The following CNTN5 variants were observed in gnomAD, a reference collection of about 807,000 sequenced individuals.
The protein encoded by CNTN5 is contactin 5.
In CNTN5, 77 loss-of-function variants were observed where a neutral mutation model predicts 129.1. The observed-to-expected ratio is 0.60, with a 90% CI of 0.50 to 0.72. CNTN5 has a LOEUF of 0.72. Among genes scored for constraint, CNTN5 ranks in the 30% least tolerant of loss-of-function variants. The pLI is 0.00. For missense variants in CNTN5, 1,478 were observed against 1,328.8 expected (o/e 1.11, Z -1.75); for synonymous variants, 509 against 465.6 (o/e 1.09, Z -1.20).
intron 1 of CNTN5, among the ~76,000 whole-genome samples, chr11:99,057,787 TGTG>T (rs1002184722): frequency 7.3e-6 from 1 of 136,178 alleles, no homozygotes; most frequent in Non-Finnish European, 1.5e-5. Flanking sequence ...GAAACATAAG[TGTG>T]TGTGTGTGTG....
intron 4 of CNTN5, among the ~76,000 whole-genome samples, chr11:99,836,066 T>G (rs543370237): frequency 1.1e-4 from 16 of 151,332 alleles, no homozygotes; most frequent in African/African-American, 3.9e-4. Flanking sequence ...TTACCCATTT[T>G]AATGGTTATT....
At chr11:99,546,149 G>C (rs2135509420) in intron 2 of CNTN5, among the ~76,000 whole-genome samples, 1 of 152,294 alleles carries the variant, frequency 6.6e-6, no homozygotes, top group Non-Finnish European at 1.5e-5. Context: ...TGTCTTCTCT[G>C]TAATGATGGA....
chr11:99,972,177 C>T (rs1224620226), intron 8 of CNTN5, among the ~76,000 whole-genome samples: 1 of 150,970 alleles, frequency 6.6e-6, no homozygotes, highest in African/African-American at 2.4e-5. Context: ...AGGAGAATGG[C>T]GTGAACCCGG....
chr11:99,960,031 C>T (rs757909224), intron 8 of CNTN5, among the ~76,000 whole-genome samples: 4 of 152,272 alleles, frequency 2.6e-5, no homozygotes, highest in Non-Finnish European at 4.4e-5. Flanking sequence ...CTAAATCTCA[C>T]GCTGGAGAGC....
At chr11:100,265,494 C>T (rs1398916584) in intron 17 of CNTN5, among the ~76,000 whole-genome samples, 3 of 152,056 alleles carry the variant, frequency 2.0e-5, no homozygotes, top group Non-Finnish European at 4.4e-5. Flanking sequence ...CATAGTTGCT[C>T]CCTCATTCTA....
chr11:99,851,405 G>C (rs906243274), intron 6 of CNTN5, among the ~76,000 whole-genome samples: 4 of 152,124 alleles, frequency 2.6e-5, no homozygotes, highest in African/African-American at 9.7e-5. Flanking sequence ...TGTTTGTCAT[G>C]AGGATAATTT....
intron 1 of CNTN5, among the ~76,000 whole-genome samples, chr11:99,201,257 C>T (rs1366551601): frequency 6.6e-6 from 1 of 151,460 alleles, no homozygotes; most frequent in African/African-American, 2.4e-5. Context: ...AGCTCCTGAC[C>T]CCGTGATCCA....
intron 1 of CNTN5, among the ~76,000 whole-genome samples, chr11:99,284,619 GTGTGTGTGTGTGT>G (rs1863847174): frequency 9.0e-6 from 1 of 111,532 alleles, no homozygotes; most frequent in Non-Finnish European, 1.9e-5. Context: ...GTGTGTGTGT[GTGTGTGTGTGTGT>G]GTGTGTGTGT....
rs1298562745 is a variant in CNTN5, at chr11:99,058,460, G to GTA, written c.-210+37202_-210+37203dup. ...TCACTGTTTACATTTATATATATGTGTATATATATATATTTTCTCACAATA... is the reference window on the plus strand; with the variant it reads ...TCACTGTTTACATTTATATATATGTGTATATATATATATATTTTCTCACAATA... On this transcript the variant is annotated intron_variant, in intron 1 of 24. Coordinates refer to ENST00000524871, the MANE Select transcript of CNTN5 (RefSeq NM_014361.4). Among the ~76,000 whole-genome samples, 480 of 151,562 alleles carry GTA rather than the reference G, an allele frequency of 3.2e-3. 1 individual carries two copies. The highest frequency in any genetic ancestry group is 0.011 in the African/African-American group (446 of 41,358).
At chr11:99,737,590 A>G (rs1943752694) in intron 3 of CNTN5, among the ~76,000 whole-genome samples, 1 of 152,188 alleles carries the variant, frequency 6.6e-6, no homozygotes, top group Non-Finnish European at 1.5e-5. Context: ...CACTGAAAAA[A>G]TAATCCAAGC....
intron 6 of CNTN5, among the ~76,000 whole-genome samples, chr11:99,864,408 G>A (rs1042167765): frequency 2.6e-5 from 4 of 151,942 alleles, no homozygotes; most frequent in South Asian, 2.1e-4. Context: ...TTTTTGGCAC[G>A]TAATATTCTA....
At chr11:99,511,430 T>C (rs1946831756) in intron 2 of CNTN5, among the ~76,000 whole-genome samples, 1 of 152,142 alleles carries the variant, frequency 6.6e-6, no homozygotes, top group East Asian at 1.9e-4. Context: ...ATTTCTGTTC[T>C]TTTACATTTG....
intron 3 of CNTN5, among the ~76,000 whole-genome samples, chr11:99,632,358 G>C (rs1172509909): frequency 6.6e-6 from 1 of 152,034 alleles, no homozygotes; most frequent in Non-Finnish European, 1.5e-5. Context: ...CTAGAGTTCT[G>C]TGATTATGCT....
At chr11:99,659,050 G>A (rs1369703793) in intron 3 of CNTN5, among the ~76,000 whole-genome samples, 1 of 152,018 alleles carries the variant, frequency 6.6e-6, no homozygotes, top group Non-Finnish European at 1.5e-5. Flanking sequence ...GATTTACTTG[G>A]AGATGGGCAC....
intron 6 of CNTN5, among the ~76,000 whole-genome samples, chr11:99,880,326 ATACTCATAGAATAAGAAATAG>A (rs1341276454): frequency 2.0e-5 from 3 of 152,178 alleles, no homozygotes; most frequent in Non-Finnish European, 2.9e-5. Flanking sequence ...TTATGCAATA[ATACTCATAGAATAAGAAATAG>A]TACTCATAGA....
chr11:99,553,171 G>T (rs1248007409), intron 2 of CNTN5, among the ~76,000 whole-genome samples: 1 of 152,126 alleles, frequency 6.6e-6, no homozygotes, highest in Admixed American at 6.6e-5. Context: ...CATATTCTAA[G>T]AATTGAAATA....
At chr11:100,193,392 A>G (rs565183443) in intron 14 of CNTN5, 96 bp from the exon 15 acceptor site, 1 of 772,078 alleles carries the variant, frequency 1.3e-6, no homozygotes, top group South Asian at 2.1e-5. Flanking sequence ...ACTGTATTGT[A>G]TAGATTTCTT....
intron 13 of CNTN5, among the ~76,000 whole-genome samples, chr11:100,091,860 T>A (rs2138002658): frequency 6.6e-6 from 1 of 152,226 alleles, no homozygotes; most frequent in South Asian, 2.1e-4. Flanking sequence ...TTAAATGAAT[T>A]TTTGGAGTAA....
At chr11:100,220,569 G>A (rs1949242457) in intron 15 of CNTN5, among the ~76,000 whole-genome samples, 1 of 152,102 alleles carries the variant, frequency 6.6e-6, no homozygotes, top group African/African-American at 2.4e-5. Context: ...TTGATACCCA[G>A]TTTGCTAAGA....
Sources: gnomAD v4.1 joint callset for allele counts (sites outside exome capture counted in the v4.1 genomes callset) on GRCh38, gnomAD v4.1.1 for gene constraint, MANE v1.5 for transcripts, NCBI Gene and HGNC (gene_info 2026-07-23, HGNC 2026-07-21) for gene names.